Variants in CNTN4 observed in about 807,000 individuals in gnomAD.
The protein encoded by CNTN4 is contactin-4.
In CNTN4, 77 loss-of-function variants were observed where a neutral mutation model predicts 122.5. The observed-to-expected ratio is 0.63, with a 90% CI of 0.52 to 0.76. The LOEUF is 0.76. Ranked by LOEUF, CNTN4 falls within the 30% of genes least tolerant of loss-of-function variation. The pLI, the probability that CNTN4 is intolerant of heterozygous loss-of-function variation, is 0.00. For missense variants in CNTN4, 1,256 were observed against 1,259.1 expected (o/e 1.00, Z 0.04); for synonymous variants, 512 against 447.0 (o/e 1.15, Z -1.83).
chr3:2,537,713 C>G (rs2077865889), intron 3 of CNTN4, among the ~76,000 whole-genome samples: 1 of 152,054 alleles, frequency 6.6e-6, no homozygotes, highest in Admixed American at 6.6e-5. Context: ...GATCATGAGA[C>G]TTTTTAGAAA....
At chr3:2,757,024 T>G (rs572896498) in intron 6 of CNTN4, among the ~76,000 whole-genome samples, 1 of 152,288 alleles carries the variant, frequency 6.6e-6, no homozygotes, top group Admixed American at 6.5e-5. Context: ...TTTAAAAAAA[T>G]CTTTGAATGA....
At chr3:2,896,931 GTTTT>G (rs58232281) in intron 10 of CNTN4, among the ~76,000 whole-genome samples, 1 of 118,096 alleles carries the variant, frequency 8.5e-6, no homozygotes, top group Non-Finnish European at 1.8e-5. Flanking sequence ...AATTTAGAGG[GTTTT>G]TTTTTTTTTT....
intron 14 of CNTN4, among the ~76,000 whole-genome samples, chr3:3,024,384 T>TAAAAAAAA (rs55892513): frequency 4.4e-5 from 4 of 90,256 alleles, no homozygotes; most frequent in Non-Finnish European, 6.5e-5. Context: ...TTTTCCTCAT[T>TAAAAAAAA]AAAAAAAAAA....
At position 2,869,470 on chromosome 3, in the gene CNTN4, G is replaced by A. The variant is rs1013949684; in HGVS notation, c.652+2521G>A. ...TGACACATAGGTTTCTGGCATAGCA[G>A]CTGAGTGTATGGGAATGCCCTTTAC... On this transcript the variant is annotated intron_variant, in intron 8 of 24. Coordinates refer to ENST00000418658, the MANE Select transcript of CNTN4 (RefSeq NM_175607.3). Among the ~76,000 whole-genome samples, 18 of 152,322 alleles carry A rather than the reference G, an allele frequency of 1.2e-4. No homozygotes were observed. The South Asian group carries it at 1.5e-3, about 12-fold the overall frequency.
chr3:2,348,102 A>G (rs2044472824), intron 3 of CNTN4, among the ~76,000 whole-genome samples: 2 of 148,466 alleles, frequency 1.3e-5, no homozygotes. Flanking sequence ...AATGTTGTGA[A>G]CTCTGTGTTG....
chr3:2,461,539 T>A (rs950996955), intron 3 of CNTN4, among the ~76,000 whole-genome samples: 1 of 152,188 alleles, frequency 6.6e-6, no homozygotes, highest in Non-Finnish European at 1.5e-5. Flanking sequence ...GTGGTCTGAT[T>A]CTAGAACCTG....
At chr3:3,024,909 C>A (rs28662933) in intron 14 of CNTN4, among the ~76,000 whole-genome samples, 1 of 152,008 alleles carries the variant, frequency 6.6e-6, no homozygotes, top group Admixed American at 6.6e-5. Flanking sequence ...TGCAATCCCG[C>A]GACTATGGGA....
At chr3:2,201,959 C>G (rs957411746) in intron 2 of CNTN4, among the ~76,000 whole-genome samples, 1 of 152,088 alleles carries the variant, frequency 6.6e-6, no homozygotes, top group Non-Finnish European at 1.5e-5. Context: ...ACACTTCCCA[C>G]ATATAAAATA....
In CNTN4 at chr3:2,925,785, G is replaced by A. The variant is rs766994816; in HGVS notation, c.1358+6G>A. 1.1e-5 allele frequency: 17 copies of A among 1,609,104 alleles called. No individual in the cohort carries two copies. The highest frequency in any genetic ancestry group is 6.7e-5 in the East Asian group (3 of 44,836). On this transcript the variant is annotated splice_donor_region_variant and intron_variant, in intron 13 of 24. Transcript: ENST00000418658. ...ATATTAAAAGAAAATGAAAGGTACT[G>A]TCTTGAATTATTTTCAATATTTGGT...
intron 2 of CNTN4, among the ~76,000 whole-genome samples, chr3:2,288,263 C>A (rs1223784997): frequency 6.6e-6 from 1 of 152,124 alleles, no homozygotes; most frequent in East Asian, 1.9e-4. Flanking sequence ...ATGGTGCTGG[C>A]ACCTGCTTCT....
At chr3:2,984,269 T>C (rs1218039983) in intron 13 of CNTN4, among the ~76,000 whole-genome samples, 1 of 152,196 alleles carries the variant, frequency 6.6e-6, no homozygotes, top group African/African-American at 2.4e-5. Context: ...TGAAGCACTT[T>C]AAGTTAACGA....
At chr3:2,938,536 G>C (rs1434787134) in intron 13 of CNTN4, among the ~76,000 whole-genome samples, 1 of 152,146 alleles carries the variant, frequency 6.6e-6, no homozygotes, top group Admixed American at 6.5e-5. Flanking sequence ...CTCACTCATT[G>C]CATCTATGTC....
chr3:2,276,258 T>C lies in CNTN4; in HGVS notation c.-144-62920T>C, dbSNP rs146689458. ...CACCATCTTGGCTCACTGCAACCTC[T>C]GCCTCTCAGGTTCAAGTGATTCTCC... On this transcript the variant is annotated intron_variant, in intron 2 of 24. Coordinates refer to ENST00000418658, the MANE Select transcript of CNTN4 (RefSeq NM_175607.3). Among the ~76,000 whole-genome samples the C allele has an allele frequency of 8.0e-3, 1,217 of 152,112 alleles. 18 individuals are homozygous for C. The highest frequency in any genetic ancestry group is 0.028 in the African/African-American group (1,152 of 41,498).
chr3:2,263,706 G>C (rs571903682), intron 2 of CNTN4, among the ~76,000 whole-genome samples: 1 of 151,794 alleles, frequency 6.6e-6, no homozygotes, highest in African/African-American at 2.4e-5. Flanking sequence ...CCCTATTGTA[G>C]AGTCAAATAT....
At chr3:2,298,042 T>G (rs1370462389) in intron 2 of CNTN4, among the ~76,000 whole-genome samples, 1 of 152,210 alleles carries the variant, frequency 6.6e-6, no homozygotes, top group Non-Finnish European at 1.5e-5. Flanking sequence ...ATCTGTTATG[T>G]TAAGTGAAGA....
At chr3:2,570,190 C>G (rs1235641570) in intron 3 of CNTN4, among the ~76,000 whole-genome samples, 1 of 150,860 alleles carries the variant, frequency 6.6e-6, no homozygotes, top group Non-Finnish European at 1.5e-5. Flanking sequence ...TTTTTTTTCT[C>G]TGAGACAGGG....
intron 8 of CNTN4, among the ~76,000 whole-genome samples, chr3:2,872,555 C>T (rs971282354): frequency 6.6e-6 from 1 of 151,866 alleles, no homozygotes; most frequent in African/African-American, 2.4e-5. Context: ...TCTGATAGGT[C>T]CATGCATTGC....
intron 3 of CNTN4, among the ~76,000 whole-genome samples, chr3:2,474,994 T>C (rs1575715130): frequency 6.6e-6 from 1 of 152,342 alleles, no homozygotes; most frequent in Admixed American, 6.5e-5. Flanking sequence ...ATGCATTCAA[T>C]ATTTTCATGT....
intron 3 of CNTN4, chr3:2,362,514 G>T: frequency 1.7e-6 from 1 of 581,584 alleles, no homozygotes; most frequent in Non-Finnish European, 3.2e-6. Context: ...AGGCTCCTGT[G>T]CACTTTCTGG....
Sources: allele counts gnomAD v4.1 joint callset (sites outside exome capture counted in the v4.1 genomes callset), GRCh38; gene constraint gnomAD v4.1.1; transcripts MANE v1.5; gene names NCBI Gene and HGNC (gene_info 2026-07-23, HGNC 2026-07-21).